Variants in RBFOX1 observed in about 807,000 individuals in gnomAD.
RBFOX1 encodes the protein RNA binding protein fox-1 homolog 1.
Under a neutral mutation model 57.7 loss-of-function variants are expected in RBFOX1, and 8 were observed. The observed-to-expected ratio is 0.14, with a 90% CI of 0.08 to 0.25. RBFOX1 has a LOEUF of 0.25. Among genes scored for constraint, RBFOX1 ranks in the 10% least tolerant of loss-of-function variants. The pLI, the probability that RBFOX1 is intolerant of heterozygous loss-of-function variation, is 1.00. For synonymous variants in RBFOX1, 326 were observed against 222.4 expected, an observed-to-expected ratio of 1.47 and a Z score of -4.15; for missense variants, 611 against 548.5, an observed-to-expected ratio of 1.11 and a Z score of -1.14.
intron 3 of RBFOX1, among the ~76,000 whole-genome samples, chr16:5,828,686 T>A (rs1442767819): frequency 1.3e-5 from 2 of 150,672 alleles, no homozygotes; most frequent in African/African-American, 4.9e-5. Flanking sequence ...TGAGCGAGAC[T>A]CCAAAAAAGA....
chr16:6,947,248 CTCT>C (rs1224018845), intron 3 of RBFOX1, among the ~76,000 whole-genome samples: 2 of 152,156 alleles, frequency 1.3e-5, no homozygotes, highest in Admixed American at 1.3e-4. Flanking sequence ...GAGTCAGAAG[CTCT>C]TCTTATTTTC....
intron 13 of RBFOX1, among the ~76,000 whole-genome samples, chr16:7,665,881 G>A (rs772688072): frequency 2.6e-5 from 4 of 152,056 alleles, no homozygotes; most frequent in Non-Finnish European, 4.4e-5. Context: ...ACTGATTATT[G>A]TATTCCTTTT....
intron 1 of RBFOX1, among the ~76,000 whole-genome samples, chr16:6,190,014 G>A (rs1039406201): frequency 1.3e-5 from 2 of 152,150 alleles, no homozygotes; most frequent in African/African-American, 2.4e-5. Context: ...TGAAATTTCA[G>A]TGAAAGAGAT....
intron 4 of RBFOX1, among the ~76,000 whole-genome samples, chr16:5,932,492 C>T (rs2059082094): frequency 6.6e-6 from 1 of 152,118 alleles, no homozygotes; most frequent in Admixed American, 6.5e-5. Flanking sequence ...AGACAGAGAC[C>T]CCAGCCATGC....
chr16:6,306,218 G>C (rs537239527), intron 1 of RBFOX1, among the ~76,000 whole-genome samples: 1 of 152,126 alleles, frequency 6.6e-6, no homozygotes, highest in Non-Finnish European at 1.5e-5. Context: ...GCAATGACAA[G>C]GGAACCTGTC....
At chr16:5,385,909 G>T (rs186355472) in intron 1 of RBFOX1, among the ~76,000 whole-genome samples, 10 of 152,292 alleles carry the variant, frequency 6.6e-5, no homozygotes, top group Admixed American at 3.3e-4. Context: ...GTGGGGGCAG[G>T]AGTGTGGATA....
intron 4 of RBFOX1, among the ~76,000 whole-genome samples, chr16:7,142,498 C>T (rs997531734): frequency 2.3e-4 from 35 of 152,254 alleles, no homozygotes; most frequent in Non-Finnish European, 1.8e-4. Context: ...GTGTCCTACC[C>T]CTGAGTGTTT....
intron 4 of RBFOX1, among the ~76,000 whole-genome samples, chr16:7,421,002 C>A (rs2098537741): frequency 6.6e-6 from 1 of 151,062 alleles, no homozygotes; most frequent in African/African-American, 2.4e-5. Flanking sequence ...TGAGGCTGTA[C>A]AGACGTGGGA....
At chr16:5,284,525 G>A (rs1296984141) in intron 1 of RBFOX1, among the ~76,000 whole-genome samples, 1 of 150,710 alleles carries the variant, frequency 6.6e-6, no homozygotes, top group Non-Finnish European at 1.5e-5. Context: ...TTGCTTATCT[G>A]GGAAATATTT....
intron 3 of RBFOX1, among the ~76,000 whole-genome samples, chr16:6,710,955 C>T (rs763162331): frequency 6.6e-6 from 1 of 152,160 alleles, no homozygotes; most frequent in Admixed American, 6.5e-5. Context: ...CTACATGTAA[C>T]GGGAGTGCAA....
chr16:5,279,561 G>C (rs981872620), intron 1 of RBFOX1, among the ~76,000 whole-genome samples: 4 of 152,110 alleles, frequency 2.6e-5, no homozygotes, highest in Non-Finnish European at 5.9e-5. Context: ...GAGTGCAGTG[G>C]TGCAATCTTG....
chr16:5,969,325 G>GTTTTTTTTTTTTTTTTTTTTTTTTTTT (rs1392384342), intron 4 of RBFOX1, among the ~76,000 whole-genome samples: 4 of 120,646 alleles, frequency 3.3e-5, no homozygotes, highest in Admixed American at 9.5e-5. Context: ...TTTTTTTTTG[G>GTTTTTTTTTTTTTTTTTTTTTTTTTTT]TTTGGAAATG....
At chr16:5,395,815 T>A (rs1412366547) in intron 1 of RBFOX1, among the ~76,000 whole-genome samples, 1 of 152,212 alleles carries the variant, frequency 6.6e-6, no homozygotes, top group African/African-American at 2.4e-5. Context: ...ATGCGGCCAT[T>A]TGGGAGAAGC....
At chr16:6,362,840 G>A (rs1399434557) in intron 2 of RBFOX1, among the ~76,000 whole-genome samples, 2 of 152,324 alleles carry the variant, frequency 1.3e-5, no homozygotes, top group South Asian at 2.1e-4. Flanking sequence ...CCTCGAATTC[G>A]AGGAAGGAAG....
chr16:7,407,219 C>T (rs749219038), intron 4 of RBFOX1, among the ~76,000 whole-genome samples: 3 of 152,124 alleles, frequency 2.0e-5, no homozygotes, highest in Non-Finnish European at 4.4e-5. Flanking sequence ...CATAAACTCC[C>T]TCTTGCCAGG....
chr16:6,625,981 C>G (rs1042124839), intron 2 of RBFOX1, among the ~76,000 whole-genome samples: 2 of 152,064 alleles, frequency 1.3e-5, no homozygotes, highest in African/African-American at 4.8e-5. Flanking sequence ...ATTTTTGAAT[C>G]TAATCAAAAT....
intron 1 of RBFOX1, among the ~76,000 whole-genome samples, chr16:5,277,111 G>T (rs1237670766): frequency 6.6e-6 from 1 of 151,960 alleles, no homozygotes; most frequent in Non-Finnish European, 1.5e-5. Context: ...ATATACCATA[G>T]AATACTACTT....
chr16:6,792,753 C>T (rs972812645), intron 3 of RBFOX1, among the ~76,000 whole-genome samples: 6 of 152,008 alleles, frequency 3.9e-5, no homozygotes, highest in Admixed American at 2.6e-4. Context: ...AGTGATGGGC[C>T]GGCATGGTGG....
intron 1 of RBFOX1, among the ~76,000 whole-genome samples, chr16:6,315,200 G>C (rs2080920006): frequency 6.6e-6 from 1 of 152,232 alleles, no homozygotes. Context: ...GACAAAGAAA[G>C]GTTGAGTGAC....
Sources: allele counts gnomAD v4.1 joint callset (sites outside exome capture counted in the v4.1 genomes callset), GRCh38; gene constraint gnomAD v4.1.1; transcripts MANE v1.5; gene names NCBI Gene and HGNC (gene_info 2026-07-23, HGNC 2026-07-21).